The following ACTR3C variants were observed in gnomAD, a reference collection of about 807,000 sequenced individuals.
The protein encoded by ACTR3C is actin-related protein 3C.
Under a neutral mutation model 26.3 loss-of-function variants are expected in ACTR3C, and 18 were observed. That is an observed-to-expected ratio of 0.68 (90% CI 0.47 to 1.01). The LOEUF is 1.01. Among genes scored for constraint, ACTR3C ranks in the 50% least tolerant of loss-of-function variants. ACTR3C has a pLI of 0.00. For synonymous variants in ACTR3C, 55 were observed against 94.5 expected (o/e 0.58, Z 2.42); for missense variants, 184 against 250.7 (o/e 0.73, Z 1.80).
the ACTR3C span, among the ~76,000 whole-genome samples, chr7:149,957,983 T>C: frequency 6.6e-6 from 1 of 152,184 alleles, no homozygotes; most frequent in Non-Finnish European, 1.5e-5. Context: ...GCAACCGACA[T>C]GTTTCCTTGT....
the ACTR3C span, among the ~76,000 whole-genome samples, chr7:150,178,394 T>C: frequency 6.7e-6 from 1 of 149,654 alleles, no homozygotes; most frequent in Admixed American, 6.6e-5. Flanking sequence ...GCAATTCTCC[T>C]GCCTCAACCT....
chr7:150,185,830 G>C, the ACTR3C span, among the ~76,000 whole-genome samples: 1 of 152,150 alleles, frequency 6.6e-6, no homozygotes, highest in East Asian at 1.9e-4. Flanking sequence ...ACCACAACCA[G>C]CTGTTCCTTA....
At chr7:150,259,065 G>C (rs1237713440) in intron 6 of ACTR3C, among the ~76,000 whole-genome samples, 1 of 151,404 alleles carries the variant, frequency 6.6e-6, no homozygotes, top group Non-Finnish European at 1.5e-5. Context: ...TTTGCCTCAG[G>C]GTCATATTAA....
chr7:150,005,887 A>C, the ACTR3C span, among the ~76,000 whole-genome samples: 1 of 152,246 alleles, frequency 6.6e-6, no homozygotes, highest in African/African-American at 2.4e-5. Flanking sequence ...CAGGGTTACA[A>C]GAAATGCATT....
chr7:150,097,629 CT>C, the ACTR3C span, among the ~76,000 whole-genome samples: 1 of 151,544 alleles, frequency 6.6e-6, no homozygotes, highest in Non-Finnish European at 1.5e-5. Flanking sequence ...AGAAATCACA[CT>C]TCATTCTTTT....
the ACTR3C span, among the ~76,000 whole-genome samples, chr7:150,235,425 C>A: frequency 1.3e-5 from 2 of 152,324 alleles, no homozygotes; most frequent in South Asian, 4.1e-4. Flanking sequence ...GTCCTTGCTT[C>A]TCTGCAATGT....
At chr7:150,149,826 G>C in the ACTR3C span, among the ~76,000 whole-genome samples, 4 of 152,134 alleles carry the variant, frequency 2.6e-5, no homozygotes, top group East Asian at 7.7e-4. Flanking sequence ...GGTTATAAAG[G>C]TATTTGTTTA....
the ACTR3C span, among the ~76,000 whole-genome samples, chr7:149,954,031 G>A: frequency 0.36 from 49,664 of 137,956 alleles, 9,350 homozygotes; most frequent in Middle Eastern, 0.43. Flanking sequence ...CCTTTTTAGA[G>A]ACAACTCTGT....
chr7:150,130,316 A>G, the ACTR3C span, among the ~76,000 whole-genome samples: 3 of 152,206 alleles, frequency 2.0e-5, no homozygotes, highest in Non-Finnish European at 4.4e-5. Context: ...AAAAATTGAT[A>G]AATTAGACTT....
the ACTR3C span, among the ~76,000 whole-genome samples, chr7:149,971,960 G>T: frequency 6.6e-6 from 1 of 152,132 alleles, no homozygotes; most frequent in Non-Finnish European, 1.5e-5. Flanking sequence ...GATCTCTAAG[G>T]GCCCTCTCCT....
the ACTR3C span, among the ~76,000 whole-genome samples, chr7:150,234,488 C>T: frequency 6.6e-6 from 1 of 152,116 alleles, no homozygotes. Flanking sequence ...CTTGGTGGGG[C>T]TTCTGGAGGT....
chr7:150,020,384 T>C, the ACTR3C span, among the ~76,000 whole-genome samples: 1 of 152,142 alleles, frequency 6.6e-6, no homozygotes, highest in Non-Finnish European at 1.5e-5. Flanking sequence ...GATCTTATCA[T>C]ACAACTTCTC....
At chr7:150,036,150 T>TG in the ACTR3C span, among the ~76,000 whole-genome samples, 3 of 93,968 alleles carry the variant, frequency 3.2e-5, 1 homozygote, top group African/African-American at 1.2e-4. Flanking sequence ...CCCCGCCTCG[T>TG]GGGGGGTGCC....
At chr7:150,066,355 A>G in the ACTR3C span, among the ~76,000 whole-genome samples, 3 of 152,236 alleles carry the variant, frequency 2.0e-5, no homozygotes, top group Non-Finnish European at 4.4e-5. Flanking sequence ...TGCCCTCCCA[A>G]TGGACTTCCA....
At chr7:150,169,867 C>T in the ACTR3C span, among the ~76,000 whole-genome samples, 3 of 150,880 alleles carry the variant, frequency 2.0e-5, no homozygotes, top group East Asian at 5.8e-4. Context: ...CACTCTCCTT[C>T]CTTTTCTCCT....
the ACTR3C span, among the ~76,000 whole-genome samples, chr7:150,173,196 A>C: frequency 6.7e-6 from 1 of 149,880 alleles, no homozygotes; most frequent in Non-Finnish European, 1.5e-5. Flanking sequence ...GAGGTTCTAC[A>C]TGAGTGCCCT....
chr7:150,215,276 T>C, the ACTR3C span, among the ~76,000 whole-genome samples: 1 of 152,154 alleles, frequency 6.6e-6, no homozygotes, highest in Non-Finnish European at 1.5e-5. Flanking sequence ...TGCAAACGCT[T>C]CATCAGCTTT....
At chr7:150,069,869 G>C in the ACTR3C span, among the ~76,000 whole-genome samples, 1 of 152,210 alleles carries the variant, frequency 6.6e-6, no homozygotes, top group Non-Finnish European at 1.5e-5. Context: ...CAGGCTGTGT[G>C]AGTAGTCACC....
chr7:150,082,557 G>A, the ACTR3C span, among the ~76,000 whole-genome samples: 2 of 152,124 alleles, frequency 1.3e-5, no homozygotes, highest in African/African-American at 4.8e-5. Context: ...AGGAGTGGGG[G>A]TTGCAAATCA....
Sources: gnomAD v4.1 joint callset for allele counts (sites outside exome capture counted in the v4.1 genomes callset) on GRCh38, gnomAD v4.1.1 for gene constraint, MANE v1.5 for transcripts, NCBI Gene and HGNC (gene_info 2026-07-23, HGNC 2026-07-21) for gene names.